Variants in THRB observed in about 807,000 individuals in gnomAD.
THRB encodes nuclear receptor subfamily 1 group A member 2.
In THRB, 12 loss-of-function variants were observed where a neutral mutation model predicts 47.8. That is an observed-to-expected ratio of 0.25 (90% CI 0.16 to 0.41). THRB has a LOEUF of 0.41. Among genes scored for constraint, THRB ranks in the 10% least tolerant of loss-of-function variants. THRB has a pLI of 1.00. For synonymous variants in THRB, 218 were observed against 212.2 expected (o/e 1.03, Z -0.24); for missense variants, 348 against 589.2 (o/e 0.59, Z 4.24).
chr3:24,391,477 G>C (rs1181110953), intron 1 of THRB, among the ~76,000 whole-genome samples: 1 of 151,972 alleles, frequency 6.6e-6, no homozygotes, highest in Non-Finnish European at 1.5e-5. Flanking sequence ...ACTTAGTTTT[G>C]AAACTAGAAT....
chr3:24,149,552 T>C (rs1446693882), intron 6 of THRB, among the ~76,000 whole-genome samples: 1 of 152,164 alleles, frequency 6.6e-6, no homozygotes, highest in East Asian at 1.9e-4. Context: ...CACAAAAGAG[T>C]TGAGATAGCT....
At chr3:24,487,958 A>T (rs775983037) in intron 1 of THRB, among the ~76,000 whole-genome samples, 1 of 152,226 alleles carries the variant, frequency 6.6e-6, no homozygotes, top group Non-Finnish European at 1.5e-5. Context: ...AAAGGGAAGA[A>T]GTACATCTGA....
At chr3:24,325,080 T>C (rs2058720526) in intron 2 of THRB, among the ~76,000 whole-genome samples, 1 of 152,232 alleles carries the variant, frequency 6.6e-6, no homozygotes, top group Non-Finnish European at 1.5e-5. Context: ...GCTGTCTGTC[T>C]TTTATAATTT....
chr3:24,312,247 T>G (rs536053444), intron 2 of THRB, among the ~76,000 whole-genome samples: 10 of 152,358 alleles, frequency 6.6e-5, no homozygotes, highest in African/African-American at 2.4e-4. Flanking sequence ...AAACTCCTCA[T>G]TGTAATTATC....
At position 24,241,990 on chromosome 3, in the gene THRB, A is replaced by G. The variant is rs563277819; in HGVS notation, c.-42-12989T>C. 2.0e-5 allele frequency among the ~76,000 whole-genome samples: 3 copies of G among 152,242 alleles called. No individual in the cohort carries two copies. In the East Asian group the frequency reaches 5.8e-4, roughly 29 times the overall value. ...CCTCCCCCCACAAGTTAGCACACTG[A>G]TCAGTGCATAGTAGGAACTCAAAAA... On this transcript the variant is annotated intron_variant, in intron 3 of 10. Transcript: ENST00000646209.
rs573152433 is a variant in THRB, at chr3:24,297,667, C to A, written c.-188-296G>T. On this transcript the variant is annotated intron_variant, in intron 2 of 10. Transcript: ENST00000646209. ...GAGGTTCCCTCACTGTTCTCGCCTG[C>A]TGTTAAGTAGCTACAACAGACTTCC... 6.7e-4 allele frequency among the ~76,000 whole-genome samples: 102 copies of A among 152,364 alleles called. 1 individual carries two copies. In the South Asian group the frequency reaches 0.021, roughly 31 times the overall value.
At chr3:24,141,385 G>A (rs1209308866) in intron 8 of THRB, among the ~76,000 whole-genome samples, 5 of 152,128 alleles carry the variant, frequency 3.3e-5, no homozygotes, top group African/African-American at 9.7e-5. Context: ...ATAGCACAAC[G>A]TCATCTCCTC....
intron 3 of THRB, among the ~76,000 whole-genome samples, chr3:24,235,891 T>C (rs1009204733): frequency 5.3e-5 from 8 of 152,192 alleles, no homozygotes; most frequent in African/African-American, 1.9e-4. Flanking sequence ...CAAGCAACTA[T>C]TTTTATGAAG....
At chr3:24,441,058 G>GT (rs2071480105) in intron 1 of THRB, among the ~76,000 whole-genome samples, 1 of 152,158 alleles carries the variant, frequency 6.6e-6, no homozygotes, top group Non-Finnish European at 1.5e-5. Flanking sequence ...TGTTGGTGGA[G>GT]TTCAGTTCTT....
At chr3:24,359,822 C>T (rs1280268693) in intron 1 of THRB, among the ~76,000 whole-genome samples, 1 of 152,174 alleles carries the variant, frequency 6.6e-6, no homozygotes, top group Non-Finnish European at 1.5e-5. Context: ...CTGCTACCCA[C>T]TTCTGGCCAC....
At chr3:24,150,643 C>G (rs1024596216) in intron 6 of THRB, among the ~76,000 whole-genome samples, 2 of 152,204 alleles carry the variant, frequency 1.3e-5, no homozygotes, top group African/African-American at 4.8e-5. Context: ...GCTCAATTCT[C>G]TCTTTGTTTA....
intron 1 of THRB, among the ~76,000 whole-genome samples, chr3:24,352,052 T>C (rs992133014): frequency 2.0e-5 from 3 of 152,158 alleles, no homozygotes; most frequent in East Asian, 1.9e-4. Context: ...AAGAAGCTCA[T>C]GGTCTTGAGT....
At chr3:24,391,185 A>G (rs1252692821) in intron 1 of THRB, among the ~76,000 whole-genome samples, 3 of 152,172 alleles carry the variant, frequency 2.0e-5, no homozygotes, top group Non-Finnish European at 4.4e-5. Context: ...GGTAAGACCC[A>G]GGTGGTTCTG....
At chr3:24,155,363 T>A (rs566366160) in intron 5 of THRB, among the ~76,000 whole-genome samples, 2 of 152,332 alleles carry the variant, frequency 1.3e-5, no homozygotes, top group South Asian at 4.1e-4. Context: ...TACATGATCA[T>A]ACTAGTGCAC....
At chr3:24,266,530 T>G (rs2052666601) in intron 3 of THRB, among the ~76,000 whole-genome samples, 1 of 152,142 alleles carries the variant, frequency 6.6e-6, no homozygotes, top group African/African-American at 2.4e-5. Flanking sequence ...TCATGAAACC[T>G]TGGCAGAGGC....
chr3:24,344,289 G>C (rs192335019), intron 1 of THRB, among the ~76,000 whole-genome samples: 1 of 151,934 alleles, frequency 6.6e-6, no homozygotes, highest in African/African-American at 2.4e-5. Context: ...GTGACTTTTG[G>C]GTTGGCATTT....
In THRB at chr3:24,293,297, CAG is replaced by C. The variant is rs1428264471; in HGVS notation, c.-43+3927_-43+3928del. On this transcript the variant is annotated intron_variant, in intron 3 of 10. Transcript: ENST00000646209. ...ATCCCAGTATCATTCAATCATACTG[CAG>C]AGTTCTCCCTTCCTAGGCTGTGCCC... Among the ~76,000 whole-genome samples, 8 of 152,260 alleles carry C rather than the reference CAG, an allele frequency of 5.3e-5. No homozygotes were observed. The East Asian group carries it at 1.5e-3, about 29-fold the overall frequency.
intron 1 of THRB, among the ~76,000 whole-genome samples, chr3:24,435,653 C>T (rs1031590104): frequency 2.6e-5 from 4 of 152,168 alleles, no homozygotes; most frequent in African/African-American, 9.7e-5. Flanking sequence ...CCCATATTCC[C>T]ACAATGCCAG....
intron 4 of THRB, among the ~76,000 whole-genome samples, chr3:24,204,835 C>T (rs906531527): frequency 1.3e-5 from 2 of 152,124 alleles, no homozygotes; most frequent in Non-Finnish European, 2.9e-5. Context: ...AAAACCATGG[C>T]GCAAGAACTA....
Sources: allele counts gnomAD v4.1 joint callset (sites outside exome capture counted in the v4.1 genomes callset), GRCh38; gene constraint gnomAD v4.1.1; transcripts MANE v1.5; gene names NCBI Gene and HGNC (gene_info 2026-07-23, HGNC 2026-07-21).